Variants in FHIT observed in about 807,000 individuals in gnomAD.
FHIT encodes fragile histidine triad diadenosine triphosphatase.
In FHIT, 19 loss-of-function variants were observed where a neutral mutation model predicts 17.9. The observed-to-expected ratio is 1.06, with a 90% confidence interval of 0.74 to 1.56. The LOEUF (loss-of-function observed/expected upper bound fraction) is 1.56, where lower values mean the gene tolerates loss of function less well. Ranked by LOEUF, FHIT falls within the 40% of genes most tolerant of loss-of-function variation. The probability of loss-of-function intolerance (pLI) is 0.00; values close to 1 mark genes in which losing one functional copy is unlikely to be tolerated. For missense variants in FHIT, 248 were observed against 189.2 expected, an observed-to-expected ratio of 1.31 and a Z score of -1.82; for synonymous variants, 81 against 69.7, an observed-to-expected ratio of 1.16 and a Z score of -0.81.
At chr3:59,947,984 C>T (rs1386458442) in intron 7 of FHIT, among the ~76,000 whole-genome samples, 1 of 152,016 alleles carries the variant, frequency 6.6e-6, no homozygotes, top group African/African-American at 2.4e-5. Flanking sequence ...ATAGTTTGTT[C>T]CTTTTTATTG....
intron 8 of FHIT, among the ~76,000 whole-genome samples, chr3:59,837,556 C>A (rs1338207570): frequency 6.6e-6 from 1 of 152,034 alleles, no homozygotes; most frequent in Non-Finnish European, 1.5e-5. Context: ...TTCATTAGAT[C>A]TTTTATAAAA....
At chr3:59,811,249 G>A (rs1487484605) in intron 8 of FHIT, among the ~76,000 whole-genome samples, 1 of 152,192 alleles carries the variant, frequency 6.6e-6, no homozygotes, top group Non-Finnish European at 1.5e-5. Flanking sequence ...TGGCAGTGGG[G>A]TGCCAAGATA....
intron 7 of FHIT, among the ~76,000 whole-genome samples, chr3:59,976,492 C>T (rs1038208569): frequency 6.6e-6 from 1 of 151,804 alleles, no homozygotes; most frequent in South Asian, 2.1e-4. Context: ...TCTTAAGAAT[C>T]AGACAAAGGC....
At chr3:60,977,540 G>T (rs754856615) in intron 3 of FHIT, among the ~76,000 whole-genome samples, 31 of 152,154 alleles carry the variant, frequency 2.0e-4, no homozygotes, top group Non-Finnish European at 4.0e-4. Flanking sequence ...ATTCAGAAAA[G>T]TGTGTGCTGA....
intron 2 of FHIT, among the ~76,000 whole-genome samples, chr3:61,051,229 C>T (rs914423147): frequency 6.6e-6 from 1 of 151,822 alleles, no homozygotes; most frequent in African/African-American, 2.4e-5. Context: ...CCTGCTTTGG[C>T]TCCATAAGTA....
chr3:60,689,782 T>C (rs1344489059), intron 4 of FHIT, among the ~76,000 whole-genome samples: 2 of 152,226 alleles, frequency 1.3e-5, no homozygotes, highest in African/African-American at 4.8e-5. Flanking sequence ...ACCTTGTAAA[T>C]ATGATCCTGG....
chr3:60,767,883 G>A (rs1472946235), intron 4 of FHIT, among the ~76,000 whole-genome samples: 1 of 152,170 alleles, frequency 6.6e-6, no homozygotes, highest in Non-Finnish European at 1.5e-5. Context: ...ATTACATTGG[G>A]TGCACTCAGC....
At chr3:59,972,220 A>G (rs1708217758) in intron 7 of FHIT, among the ~76,000 whole-genome samples, 1 of 152,096 alleles carries the variant, frequency 6.6e-6, no homozygotes, top group African/African-American at 2.4e-5. Flanking sequence ...AATACTCTAG[A>G]GTTTCAGACT....
chr3:60,346,075 G>C (rs1362783105), intron 5 of FHIT, among the ~76,000 whole-genome samples: 1 of 152,184 alleles, frequency 6.6e-6, no homozygotes, highest in Non-Finnish European at 1.5e-5. Context: ...TAACGTAATA[G>C]AGAAAGTCCT....
chr3:60,564,969 A>G (rs1044334750), intron 4 of FHIT, among the ~76,000 whole-genome samples: 1 of 152,204 alleles, frequency 6.6e-6, no homozygotes, highest in Non-Finnish European at 1.5e-5. Flanking sequence ...CATTAAAGGA[A>G]GAATCAATCA....
chr3:60,544,596 A>ATTTTTTTTTTTTTTT (rs33965820), intron 4 of FHIT, among the ~76,000 whole-genome samples: 1 of 124,436 alleles, frequency 8.0e-6, no homozygotes, highest in Non-Finnish European at 1.6e-5. Context: ...TTCTCAACCT[A>ATTTTTTTTTTTTTTT]TTTTTTTTTT....
At chr3:60,864,953 C>T (rs1704092118) in intron 3 of FHIT, among the ~76,000 whole-genome samples, 1 of 151,988 alleles carries the variant, frequency 6.6e-6, no homozygotes, top group South Asian at 2.1e-4. Context: ...CTACAAAGCT[C>T]TTCATATCCA....
At chr3:60,334,057 T>G (rs1710118696) in intron 5 of FHIT, among the ~76,000 whole-genome samples, 1 of 152,318 alleles carries the variant, frequency 6.6e-6, no homozygotes, top group South Asian at 2.1e-4. Flanking sequence ...AGTTACAGCA[T>G]GTGATTAAAG....
At chr3:60,882,147 T>C (rs1176501547) in intron 3 of FHIT, among the ~76,000 whole-genome samples, 2 of 151,762 alleles carry the variant, frequency 1.3e-5, no homozygotes, top group African/African-American at 2.4e-5. Flanking sequence ...CAGAAACAAA[T>C]TCCTAGACAA....
chr3:60,252,486 A>T (rs78659866), intron 5 of FHIT, among the ~76,000 whole-genome samples: 2,787 of 152,160 alleles, frequency 0.018, 79 homozygotes, highest in African/African-American at 0.06. Flanking sequence ...TCACTTGAGC[A>T]TAGGGGGGTC....
rs1705261038 is a variant in FHIT, at chr3:60,121,709, A to AACAAAACAAAAACACAC, written c.104-107558_104-107557insGTGTGTTTTTGTTTTGT. Among the ~76,000 whole-genome samples, 880 of 116,368 alleles carry AACAAAACAAAAACACAC rather than the reference A, an allele frequency of 7.6e-3. 11 individuals are homozygous for AACAAAACAAAAACACAC. The highest frequency in any genetic ancestry group is 0.028 in the African/African-American group (829 of 29,740). The allele number at this position is 116,368 out of a possible 152,430, so 76.3% of individuals were successfully genotyped here. A position where few individuals can be genotyped will look rare whatever the true frequency, so the allele number is the denominator to read the frequency against. On this transcript the variant is annotated intron_variant, in intron 5 of 9. Coordinates refer to ENST00000492590, the MANE Select transcript of FHIT (RefSeq NM_002012.4). ...AAAAAACAAACAAACAAACAAAACAAACACACACACACACACACACACACA... is the reference window on the plus strand; with the variant it reads ...AAAAAACAAACAAACAAACAAAACAAACAAAACAAAAACACACACACACACACACACACACACACACA...
At chr3:60,394,349 T>A (rs1032363861) in intron 5 of FHIT, among the ~76,000 whole-genome samples, 3 of 152,198 alleles carry the variant, frequency 2.0e-5, no homozygotes, top group African/African-American at 7.2e-5. Flanking sequence ...ACTTAAAGCT[T>A]AGGCAGCATG....
intron 3 of FHIT, among the ~76,000 whole-genome samples, chr3:60,848,093 A>C (rs1369718759): frequency 1.3e-5 from 2 of 152,152 alleles, no homozygotes; most frequent in African/African-American, 4.8e-5. Context: ...CTGAATCCAG[A>C]CATCATTGTC....
At chr3:59,839,438 T>C (rs1020403148) in intron 8 of FHIT, among the ~76,000 whole-genome samples, 2 of 152,204 alleles carry the variant, frequency 1.3e-5, no homozygotes, top group African/African-American at 2.4e-5. Flanking sequence ...CCCAGATACA[T>C]TGTAACCTCC....
Sources: allele counts gnomAD v4.1 joint callset (sites outside exome capture counted in the v4.1 genomes callset), GRCh38; gene constraint gnomAD v4.1.1; transcripts MANE v1.5; gene names NCBI Gene and HGNC (gene_info 2026-07-23, HGNC 2026-07-21).